FOLR1: variants seen among roughly 807,000 people sequenced by gnomAD.
FOLR1 encodes folate receptor alpha, also known as KB cells FBP.
FOLR1 carries 11 observed loss-of-function variants against 22.8 expected under a neutral mutation model. That is an observed-to-expected ratio of 0.48 (90% CI 0.30 to 0.80). The LOEUF is 0.80. Among genes scored for constraint, FOLR1 ranks in the 30% least tolerant of loss-of-function variants. The pLI, the probability that FOLR1 is intolerant of heterozygous loss-of-function variation, is 0.06. For synonymous variants in FOLR1, 108 were observed against 116.5 expected, an observed-to-expected ratio of 0.93 and a Z score of 0.47; for missense variants, 273 against 320.3, an observed-to-expected ratio of 0.85 and a Z score of 1.13.
At position 72,192,351 on chromosome 11, in the gene FOLR1, G is replaced by T. The variant is rs781049347; in HGVS notation, c.168+10G>T. 8 of 1,613,612 alleles carry T rather than the reference G, an allele frequency of 5.0e-6. No homozygotes were observed. The South Asian group carries it at 8.8e-5, about 18-fold the overall frequency. On this transcript the variant is annotated intron_variant, in intron 1 of 3. Transcript: ENST00000393676. The stretch of plus-strand genomic sequence containing the variant: ...CAAGTTGCATGAGCAGGTGGGCCAG[G>T]GGGTGATCTGGGGTGGTGAGGGACT...
upstream of FOLR1, chr11:72,190,293 G>T: frequency 6.6e-6 from 1 of 152,432 alleles, no homozygotes. Flanking sequence ...TGAAGGTGCA[G>T]GGGGCAAAGG....
intron 3 of FOLR1, 30 bp downstream of exon 3, chr11:72,195,777 G>A: frequency 6.2e-7 from 1 of 1,614,228 alleles, no homozygotes; most frequent in South Asian, 1.1e-5. Flanking sequence ...GGAATGGAGG[G>A]ATTTGGAAGT....
Position 72,195,304 on chromosome 11 carries a change from A to G in FOLR1, c.202A>G (p.Thr68Ala). 1 of 1,613,916 alleles carries G rather than the reference A, an allele frequency of 6.2e-7. No homozygotes were observed. The highest frequency in any genetic ancestry group is 1.1e-5 in the South Asian group (1 of 91,082). Reference sequence around the variant, plus strand: ...CTGGAGGAAGAATGCCTGCTGTTCTACCAACACCAGCCAGGAAGCCCATAA... The same window carrying G: ...CTGGAGGAAGAATGCCTGCTGTTCTGCCAACACCAGCCAGGAAGCCCATAA... The part of the protein sequence containing the change: ...RPWRKNACCS[T>A]NTSQEAHKDV... Residue 68 changes from threonine to alanine, a missense_variant, in exon 2 of 4, where the codon ACC (threonine) becomes GCC (alanine). Transcript: ENST00000393676.
At position 72,195,365 on chromosome 11, in the gene FOLR1, A is replaced by T. The variant is rs773474550; in HGVS notation, c.263A>T (p.His88Leu). 3 of 1,614,014 alleles carry T rather than the reference A, an allele frequency of 1.9e-6. No individual in the cohort carries two copies. The African/African-American group carries it at 4.0e-5, about 22-fold the overall frequency. ...TACCTATATAGATTCAACTGGAACC[A>T]CTGTGGAGAGATGGCACCTGCCTGC... is the stretch of plus-strand genomic sequence containing the variant. ...VSYLYRFNWN[H>L]CGEMAPACKR... The change falls in exon 2 of 4, where the codon CAC (histidine) becomes CTC (leucine). Residue 88 changes from histidine to leucine, a missense_variant. Physicochemically the swap from His to Leu is moderately conservative, Grantham distance 99. Coordinates refer to ENST00000393676, the MANE Select transcript of FOLR1 (RefSeq NM_016729.3).
At chr11:72,191,855 C>G (rs539183913), upstream of FOLR1, among the ~76,000 whole-genome samples, 228 of 152,174 alleles carry the variant, frequency 1.5e-3, 1 homozygote, top group African/African-American at 5.2e-3. Flanking sequence ...AAATTTTAAC[C>G]CTGAAACATT....
intron 1 of FOLR1, 119 bp from the exon 2 acceptor site, chr11:72,195,152 G>T: frequency 9.8e-7 from 1 of 1,020,998 alleles, no homozygotes; most frequent in Non-Finnish European, 1.5e-6. Flanking sequence ...GTATTTTCCT[G>T]GGTGACTTCC....
chr11:72,196,257 G>T lies in FOLR1; in HGVS notation c.*80G>T, dbSNP rs74674719. 3.1e-4 allele frequency: 473 copies of T among 1,513,166 alleles called. 2 individuals carry two copies. The African/African-American group carries it at 6.1e-3, about 20-fold the overall frequency. The allele number at this position is 1,513,166 out of a possible 1,614,324, so 93.7% of individuals were successfully genotyped here. On this transcript the variant is annotated 3_prime_UTR_variant, in exon 4 of 4. Coordinates refer to ENST00000393676, the MANE Select transcript of FOLR1 (RefSeq NM_016729.3). Reference sequence around the variant, plus strand: ...CCCAACTATTTGGTTCCTGCTCCATGGTCGGGCCTCTGACAGCCACTTTGA... The same window carrying T: ...CCCAACTATTTGGTTCCTGCTCCATTGTCGGGCCTCTGACAGCCACTTTGA...
rs1314623649 is a variant in FOLR1, at chr11:72,196,025, C to T, written c.622C>T (p.Arg208Cys). 2.5e-6 allele frequency: 4 copies of T among 1,614,080 alleles called. No homozygotes were observed. Among genetic ancestry groups the T allele is most frequent in the East Asian group, 2.2e-5 (1 of 44,904 alleles). Reference sequence around the variant, plus strand: ...CAGCAACTACAGCCGAGGGAGTGGCCGCTGCATCCAGATGTGGTTCGACCC... The same window carrying T: ...CAGCAACTACAGCCGAGGGAGTGGCTGCTGCATCCAGATGTGGTTCGACCC... Reference protein sequence around the residue: ...KVSNYSRGSGRCIQMWFDPAQ... With the variant: ...KVSNYSRGSGCCIQMWFDPAQ... Residue 208 changes from arginine to cysteine, a missense_variant, in exon 4 of 4, where the codon CGC becomes TGC. By Grantham distance (180) the Arg-to-Cys change is radical. Coordinates refer to ENST00000393676, the MANE Select transcript of FOLR1 (RefSeq NM_016729.3).
intron 1 of FOLR1, among the ~76,000 whole-genome samples, chr11:72,195,004 T>C (rs1191151633): frequency 6.6e-6 from 1 of 152,242 alleles, no homozygotes; most frequent in African/African-American, 2.4e-5. Flanking sequence ...TCTACAAAAG[T>C]ACCTGGGTGA....
chr11:72,191,521 C>T (rs1045482292), upstream of FOLR1, among the ~76,000 whole-genome samples: 1 of 152,116 alleles, frequency 6.6e-6, no homozygotes, highest in African/African-American at 2.4e-5. Flanking sequence ...CGACACCGCA[C>T]CCAGCTCATT....
chr11:72,195,460 G>C lies in FOLR1; in HGVS notation c.357+1G>C. 6.2e-7 allele frequency: 1 copy of C among 1,614,220 alleles called. No homozygotes were observed. The highest frequency in any genetic ancestry group is 1.1e-5 in the South Asian group (1 of 91,080). On this transcript the variant is annotated splice_donor_variant, in intron 2 of 3. Transcript: ENST00000393676. LOFTEE classifies it high-confidence loss of function. ...CAACTTGGGGCCCTGGATCCAGCAG[G>C]TATGCATGGCTTCCTGCAGGTACAA...
At chr11:72,193,000 A>G (rs1948176416) in intron 1 of FOLR1, among the ~76,000 whole-genome samples, 1 of 152,126 alleles carries the variant, frequency 6.6e-6, no homozygotes, top group Non-Finnish European at 1.5e-5. Context: ...CCCCTTTAAT[A>G]TCCTGAACAT....
intron 1 of FOLR1, among the ~76,000 whole-genome samples, chr11:72,193,087 C>A (rs1007583928): frequency 6.6e-6 from 1 of 152,130 alleles, no homozygotes; most frequent in Non-Finnish European, 1.5e-5. Context: ...GTAATCCCAA[C>A]ACTGTGGGAT....
chr11:72,192,373 G>T (rs1176910635), intron 1 of FOLR1, 32 bp downstream of exon 1: 1 of 1,612,584 alleles, frequency 6.2e-7, no homozygotes. Flanking sequence ...GGTGGTGAGG[G>T]ACTGGCTCAG....
chr11:72,193,798 T>G (rs980716884), intron 1 of FOLR1, among the ~76,000 whole-genome samples: 6 of 136,086 alleles, frequency 4.4e-5, no homozygotes, highest in Non-Finnish European at 9.4e-5. Context: ...TTTATTTATT[T>G]ATTGAGATGG....
chr11:72,194,721 G>T (rs1205404437), intron 1 of FOLR1, among the ~76,000 whole-genome samples: 1 of 152,076 alleles, frequency 6.6e-6, no homozygotes, highest in Non-Finnish European at 1.5e-5. Context: ...TTTTAGTAGA[G>T]ACGGGGTTTC....
chr11:72,192,694 T>C (rs1948172583), intron 1 of FOLR1, among the ~76,000 whole-genome samples: 1 of 152,168 alleles, frequency 6.6e-6, no homozygotes, highest in Non-Finnish European at 1.5e-5. Context: ...CATAGTGGCC[T>C]CTTTTCTGCC....
At chr11:72,191,512 G>A (rs114214336), upstream of FOLR1, among the ~76,000 whole-genome samples, 3,834 of 152,016 alleles carry the variant, frequency 0.025, 64 homozygotes, top group African/African-American at 0.05. Flanking sequence ...ACAGGCACAC[G>A]ACACCGCACC....
At position 72,192,318 on chromosome 11, in the gene FOLR1, C is replaced by G; in HGVS notation, c.145C>G (p.Pro49Ala). The G allele has an allele frequency of 5.0e-6, 8 of 1,614,032 alleles. No individual in the cohort carries two copies. Among genetic ancestry groups the G allele is most frequent in the Non-Finnish European group, 6.8e-6 (8 of 1,180,016 alleles). The change falls in exon 1 of 4, where the codon CCC becomes GCC. Residue 49 changes from proline (P) to alanine (A), a missense_variant. Pro to Ala is a conservative substitution (Grantham distance 27). Coordinates refer to ENST00000393676, the MANE Select transcript of FOLR1 (RefSeq NM_016729.3). ...CAAGCACCACAAGGAAAAGCCAGGC[C>G]CCGAGGACAAGTTGCATGAGCAGGT... Reference protein sequence around the residue: ...NAKHHKEKPGPEDKLHEQCRP... With the variant: ...NAKHHKEKPGAEDKLHEQCRP...
Sources: gnomAD v4.1 joint callset for allele counts (sites outside exome capture counted in the v4.1 genomes callset) on GRCh38, gnomAD v4.1.1 for gene constraint, MANE v1.5 for transcripts, NCBI Gene and HGNC (gene_info 2026-07-23, HGNC 2026-07-21) for gene names.